Variants in FAAH2 observed in about 807,000 individuals in gnomAD.
The protein encoded by FAAH2 is fatty acid amide hydrolase 2.
In FAAH2, 60 loss-of-function variants were observed where a neutral mutation model predicts 36.9. The observed-to-expected ratio is 1.63, with a 90% CI of 1.32 to 2.02. The LOEUF (loss-of-function observed/expected upper bound fraction) is 2.02. Among genes scored for constraint, FAAH2 ranks in the 30% most tolerant of loss-of-function variants. FAAH2 has a pLI of 0.00. For synonymous variants in FAAH2, 214 were observed against 143.8 expected (o/e 1.49, Z -3.49); for missense variants, 689 against 397.5 (o/e 1.73, Z -6.23).
At chrX:57,165,446 A>G in the FAAH2 span, among the ~76,000 whole-genome samples, 1 of 111,128 alleles carries the variant, frequency 9.0e-6, no homozygotes, top group Non-Finnish European at 1.9e-5. Flanking sequence ...AAGAACAAAA[A>G]ACCAAACACC....
At chrX:57,421,438 G>T (rs745619420) in intron 7 of FAAH2, among the ~76,000 whole-genome samples, 1 of 111,926 alleles carries the variant, frequency 8.9e-6, no homozygotes, top group South Asian at 3.8e-4. Context: ...TTAAGCAACA[G>T]AAATTTATTT....
the FAAH2 span, among the ~76,000 whole-genome samples, chrX:57,149,679 T>C: frequency 3.6e-5 from 4 of 111,402 alleles, no homozygotes; most frequent in South Asian, 1.5e-3. Flanking sequence ...TAGCGGTCTA[T>C]CAATTTTGTT....
rs772313571 is a variant in FAAH2, at chrX:57,323,663, C to A, written c.413-7935C>A. On this transcript the variant is annotated intron_variant, in intron 3 of 10. Transcript: ENST00000374900. ...GAGAAGTGTCTGTTCATATCCTTCA[C>A]CCACTTGTTGATGGGGTTGTTTTTT... 1.4e-4 allele frequency among the ~76,000 whole-genome samples: 15 copies of A among 105,448 alleles called. No individual in the cohort carries two copies. In the East Asian group the frequency reaches 4.5e-3, roughly 31 times the overall value. 91.6% of individuals were successfully genotyped at this position (105,448 alleles called of 115,157 possible).
At chrX:57,358,373 C>T (rs1466586913) in intron 5 of FAAH2, among the ~76,000 whole-genome samples, 1 of 110,701 alleles carries the variant, frequency 9.0e-6, no homozygotes, top group Non-Finnish European at 1.9e-5. Flanking sequence ...TCTCCATCTC[C>T]TGACAATCAT....
the FAAH2 span, among the ~76,000 whole-genome samples, chrX:57,132,292 G>T: frequency 1.8e-5 from 2 of 112,086 alleles, no homozygotes; most frequent in South Asian, 7.5e-4. Flanking sequence ...TAATGGCTAT[G>T]AGAGTTATCC....
the FAAH2 span, among the ~76,000 whole-genome samples, chrX:57,278,967 G>A: frequency 1.8e-4 from 20 of 112,049 alleles, no homozygotes; most frequent in African/African-American, 6.5e-4. Context: ...AGATGCTGGA[G>A]AGATGTGGAA....
chrX:57,182,286 C>T, the FAAH2 span, among the ~76,000 whole-genome samples: 1 of 111,747 alleles, frequency 8.9e-6, no homozygotes, highest in Non-Finnish European at 1.9e-5. Flanking sequence ...ACAGAGTAAA[C>T]AGACAATTTA....
chrX:57,217,207 AT>A, the FAAH2 span, among the ~76,000 whole-genome samples: 2 of 10,656 alleles, frequency 1.9e-4, no homozygotes, highest in African/African-American at 7.3e-4. Context: ...GATTGTGAAG[AT>A]TTTCTCCCAC....
At chrX:57,121,724 C>T in the FAAH2 span, 1 of 112,085 alleles carries the variant, frequency 8.9e-6, no homozygotes. Flanking sequence ...CACAGTCGTC[C>T]TCGGAACCCT....
intron 7 of FAAH2, chrX:57,393,387 A>G (rs879189674): frequency 2.2e-5 from 16 of 735,917 alleles, no homozygotes; most frequent in South Asian, 1.7e-4. Context: ...AGACCGGAAT[A>G]CTGGGATTTG....
the FAAH2 span, among the ~76,000 whole-genome samples, chrX:57,227,436 C>T: frequency 1.8e-5 from 2 of 111,410 alleles, no homozygotes; most frequent in South Asian, 3.8e-4. Flanking sequence ...TCTAGCCACC[C>T]AGTGAGTCTA....
chrX:57,174,742 C>T, the FAAH2 span, among the ~76,000 whole-genome samples: 3 of 111,450 alleles, frequency 2.7e-5, no homozygotes, highest in Non-Finnish European at 5.7e-5. Flanking sequence ...CTTAGCCCTG[C>T]TTTTGCTGTA....
the FAAH2 span, among the ~76,000 whole-genome samples, chrX:57,244,825 C>T: frequency 1.2e-4 from 13 of 111,125 alleles, no homozygotes; most frequent in Admixed American, 2.9e-4. Context: ...CATCAATTAA[C>T]GGACAAAACA....
the FAAH2 span, among the ~76,000 whole-genome samples, chrX:57,225,637 T>C: frequency 8.9e-6 from 1 of 112,108 alleles, no homozygotes; most frequent in East Asian, 2.8e-4. Context: ...AAATGCTCTG[T>C]AGATATCTGT....
the FAAH2 span, among the ~76,000 whole-genome samples, chrX:57,271,193 A>T: frequency 6.5e-4 from 73 of 112,686 alleles, no homozygotes; most frequent in East Asian, 0.013. Flanking sequence ...CGGTTTTATG[A>T]TCACAGTGTA....
chrX:57,165,803 A>G, the FAAH2 span, among the ~76,000 whole-genome samples: 1 of 111,342 alleles, frequency 9.0e-6, no homozygotes, highest in Non-Finnish European at 1.9e-5. Flanking sequence ...CTGGGTAGAA[A>G]AATGTGGGGT....
chrX:57,305,454 A>G (rs1225235566), intron 2 of FAAH2, among the ~76,000 whole-genome samples: 1 of 111,053 alleles, frequency 9.0e-6, no homozygotes, highest in Non-Finnish European at 1.9e-5. Context: ...AAATAACTCT[A>G]CTTTTCTCTA....
intron 10 of FAAH2, among the ~76,000 whole-genome samples, chrX:57,477,632 C>G (rs193039488): frequency 2.0e-5 from 2 of 97,812 alleles, no homozygotes; most frequent in Non-Finnish European, 4.1e-5. Context: ...AATGCTATCC[C>G]TCCCCGCTCC....
chrX:57,359,744 T>C (rs1207430572), intron 5 of FAAH2, among the ~76,000 whole-genome samples: 2 of 111,625 alleles, frequency 1.8e-5, no homozygotes, highest in African/African-American at 6.5e-5. Context: ...CAGGATTTAA[T>C]ATCTGTCTGC....
Sources: allele counts gnomAD v4.1 joint callset (sites outside exome capture counted in the v4.1 genomes callset), GRCh38; gene constraint gnomAD v4.1.1; transcripts MANE v1.5; gene names NCBI Gene and HGNC (gene_info 2026-07-23, HGNC 2026-07-21).